Variants in NEDD4L observed in about 807,000 individuals in gnomAD.
NEDD4L encodes the protein E3 ubiquitin-protein ligase NEDD4-like.
NEDD4L carries 54 observed loss-of-function variants against 148.9 expected under a neutral mutation model. The ratio of observed to expected loss-of-function variants is 0.36; its 90% confidence interval spans 0.29 to 0.45. The LOEUF (loss-of-function observed/expected upper bound fraction) is 0.45, where lower values mean the gene tolerates loss of function less well. Among genes scored for constraint, NEDD4L ranks in the 20% least tolerant of loss-of-function variants. The pLI is 1.00. For missense variants in NEDD4L, 856 were observed against 1,233.8 expected, an observed-to-expected ratio of 0.69 and a Z score of 4.59; for synonymous variants, 433 against 440.7, an observed-to-expected ratio of 0.98 and a Z score of 0.22.
At chr18:58,222,650 C>T (rs894926828) in intron 2 of NEDD4L, among the ~76,000 whole-genome samples, 3 of 152,154 alleles carry the variant, frequency 2.0e-5, no homozygotes, top group Non-Finnish European at 4.4e-5. Flanking sequence ...AATTTGAGTG[C>T]AGGCCACACC....
At chr18:58,245,032 G>A (rs566869314) in intron 2 of NEDD4L, among the ~76,000 whole-genome samples, 3 of 152,220 alleles carry the variant, frequency 2.0e-5, no homozygotes, top group African/African-American at 7.2e-5. Flanking sequence ...GGTAGGTGTT[G>A]GGTCACATGA....
intron 2 of NEDD4L, among the ~76,000 whole-genome samples, chr18:58,185,317 C>T (rs1026680951): frequency 7.9e-5 from 12 of 152,110 alleles, no homozygotes; most frequent in African/African-American, 2.4e-4. Context: ...GTACCTGTTC[C>T]GTATGAAACA....
At chr18:58,060,853 G>A (rs756025845) in intron 1 of NEDD4L, among the ~76,000 whole-genome samples, 11 of 152,074 alleles carry the variant, frequency 7.2e-5, no homozygotes, top group Non-Finnish European at 1.5e-4. Flanking sequence ...CCGCCTCCTG[G>A]GTTCAAGCGA....
At chr18:58,231,237 C>CAA (rs67220469) in intron 2 of NEDD4L, among the ~76,000 whole-genome samples, 73 of 89,914 alleles carry the variant, frequency 8.1e-4, no homozygotes, top group Admixed American at 1.1e-3. Context: ...GACCCTATCT[C>CAA]AAAAAAAAAA....
chr18:58,297,834 C>T (rs1184302085), intron 5 of NEDD4L, among the ~76,000 whole-genome samples: 1 of 152,134 alleles, frequency 6.6e-6, no homozygotes, highest in Non-Finnish European at 1.5e-5. Context: ...AGAGAGATTT[C>T]GGTGATCATA....
rs768813596 is a variant in NEDD4L, at chr18:58,346,547, T to C, written c.1576-2990T>C. 4.6e-5 allele frequency among the ~76,000 whole-genome samples: 7 copies of C among 152,220 alleles called. No individual in the cohort carries two copies. The South Asian group carries it at 8.3e-4, about 18-fold the overall frequency. Reference sequence around the variant, plus strand: ...TCCAAGTTCAAACTAATGAAACTTATTACTCTAGGTGTGGTTGCTGGTCTC... The same window carrying C: ...TCCAAGTTCAAACTAATGAAACTTACTACTCTAGGTGTGGTTGCTGGTCTC... On this transcript the variant is annotated intron_variant, in intron 16 of 30. Transcript: ENST00000400345.
At chr18:58,122,270 C>T (rs747776921) in intron 1 of NEDD4L, among the ~76,000 whole-genome samples, 7 of 152,102 alleles carry the variant, frequency 4.6e-5, no homozygotes, top group African/African-American at 1.2e-4. Context: ...GAGGCCAAGG[C>T]GGGTGGATCA....
At chr18:58,342,019 A>C (rs1047144050) in intron 15 of NEDD4L, among the ~76,000 whole-genome samples, 14 of 152,316 alleles carry the variant, frequency 9.2e-5, no homozygotes, top group African/African-American at 3.4e-4. Context: ...CATTTGGCTA[A>C]GGCCGTGGTG....
intron 23 of NEDD4L, chr18:58,372,369 C>T (rs945968838): frequency 2.6e-5 from 4 of 152,090 alleles, no homozygotes; most frequent in African/African-American, 9.7e-5. Context: ...GCCTCAGCCT[C>T]CCAAAGCCGA....
Position 58,256,550 on chromosome 18 carries a change from C to T in NEDD4L, c.297+4496C>T. 8.1e-7 allele frequency: 1 copy of T among 1,232,350 alleles called. No individual in the cohort carries two copies. Among genetic ancestry groups the T allele is most frequent in the African/African-American group, 1.5e-5 (1 of 64,552 alleles). The allele number at this position is 1,232,350 out of a possible 1,614,324, so 76.3% of individuals were successfully genotyped here. ...GAGCCCCACGGAAGATCGGGGAGCCCTGGAGGCATCGCCTCGAGCTGGCAG... is the reference window on the plus strand; with the variant it reads ...GAGCCCCACGGAAGATCGGGGAGCCTTGGAGGCATCGCCTCGAGCTGGCAG... On this transcript the variant is annotated intron_variant, in intron 5 of 30. Coordinates refer to ENST00000400345, the MANE Select transcript of NEDD4L (RefSeq NM_001144967.3). The surrounding 1 kb of genome is among the most constrained non-coding windows in gnomAD (Gnocchi z 5.2).
intron 2 of NEDD4L, among the ~76,000 whole-genome samples, chr18:58,198,527 G>T (rs1020754422): frequency 6.6e-6 from 1 of 152,160 alleles, no homozygotes; most frequent in Non-Finnish European, 1.5e-5. Flanking sequence ...GGTCCTCTAA[G>T]GTGGAGTGTC....
chr18:58,225,143 G>C (rs775239793), intron 2 of NEDD4L, among the ~76,000 whole-genome samples: 6 of 152,090 alleles, frequency 3.9e-5, no homozygotes, highest in Non-Finnish European at 5.9e-5. Flanking sequence ...GGTATTGGGG[G>C]GGAAGAGAAT....
chr18:58,305,450 A>C (rs1437898199), intron 5 of NEDD4L, among the ~76,000 whole-genome samples: 1 of 152,218 alleles, frequency 6.6e-6, no homozygotes, highest in Non-Finnish European at 1.5e-5. Context: ...CAGGGATTCC[A>C]GTGTCTAAGC....
intron 1 of NEDD4L, among the ~76,000 whole-genome samples, chr18:58,052,647 CTT>C (rs71173025): frequency 0.89 from 130,969 of 147,282 alleles, 58,187 homozygotes; most frequent in East Asian, 0.99. Flanking sequence ...GTGAGTTTTT[CTT>C]TTTTTTTTTT....
chr18:58,357,076 G>T (rs999215513), intron 18 of NEDD4L, 118 bp from the exon 19 acceptor site: 19 of 857,400 alleles, frequency 2.2e-5, no homozygotes, highest in Non-Finnish European at 3.1e-5. Flanking sequence ...TAGAACACAG[G>T]GTGGGGGACT....
chr18:58,067,072 C>T (rs962732926), intron 1 of NEDD4L, among the ~76,000 whole-genome samples: 1 of 152,136 alleles, frequency 6.6e-6, no homozygotes, highest in African/African-American at 2.4e-5. Context: ...ATGTTTCCAG[C>T]CCTGAACTCT....
chr18:58,256,476 G>T lies in NEDD4L; in HGVS notation c.297+4422G>T. ...AGGTTGGTGAGGTATCCTCGCATTC[G>T]GCTGGAGAGGAGCACCTCGTACCCC... On this transcript the variant is annotated intron_variant, in intron 5 of 30. Transcript: ENST00000400345. The surrounding 1 kb of genome is among the most constrained non-coding windows in gnomAD (Gnocchi z 5.2). 1 of 1,232,292 alleles carries T rather than the reference G, an allele frequency of 8.1e-7. No individual in the cohort carries two copies. The highest frequency in any genetic ancestry group is 1.0e-6 in the Non-Finnish European group (1 of 988,072). 76.3% of individuals were successfully genotyped at this position (1,232,292 alleles called of 1,614,324 possible).
chr18:58,276,993 T>G (rs1314734785), intron 5 of NEDD4L, among the ~76,000 whole-genome samples: 1 of 151,772 alleles, frequency 6.6e-6, no homozygotes, highest in Non-Finnish European at 1.5e-5. Flanking sequence ...CCTTGGGGAG[T>G]ATTTATTTTT....
chr18:58,380,815 T>C (rs886197457), intron 24 of NEDD4L, among the ~76,000 whole-genome samples: 1 of 152,188 alleles, frequency 6.6e-6, no homozygotes, highest in African/African-American at 2.4e-5. Flanking sequence ...TGAGTGAAGC[T>C]GGAAACCATC....
Sources: gnomAD v4.1 joint callset for allele counts (sites outside exome capture counted in the v4.1 genomes callset) on GRCh38, gnomAD v4.1.1 for gene constraint, Gnocchi (gnomAD v3.1) non-coding constraint, MANE v1.5 for transcripts, NCBI Gene and HGNC (gene_info 2026-07-23, HGNC 2026-07-21) for gene names.